The following KCND3 variants were observed in gnomAD, a reference collection of about 807,000 sequenced individuals.
KCND3 encodes the protein A-type voltage-gated potassium channel KCND3.
KCND3 carries 9 observed loss-of-function variants against 51.1 expected under a neutral mutation model. That is an observed-to-expected ratio of 0.18 (90% CI 0.11 to 0.31). The LOEUF (loss-of-function observed/expected upper bound fraction) is 0.31, where lower values mean the gene tolerates loss of function less well. Ranked by LOEUF, KCND3 falls within the 10% of genes least tolerant of loss-of-function variation. KCND3 has a pLI of 1.00. For synonymous variants in KCND3, 349 were observed against 368.0 expected (o/e 0.95, Z 0.59); for missense variants, 526 against 903.8 (o/e 0.58, Z 5.36).
Position 111,780,871 on chromosome 1 carries a change from G to T in KCND3, c.1270-80C>A. ...GCAAGGCTGGTGAAGCTGTGAGGCT[G>T]GCTTCCCAGGTGACACCTGATGAAG... On this transcript the variant is annotated intron_variant, in intron 3 of 7. Coordinates refer to ENST00000302127, the MANE Select transcript of KCND3 (RefSeq NM_001378969.1). This position sits in a 1 kb window ranked among gnomAD's most constrained non-coding sequence, Gnocchi z 4.2. 1 of 1,210,072 alleles carries T rather than the reference G, an allele frequency of 8.3e-7. No homozygotes were observed. The highest frequency in any genetic ancestry group is 1.2e-6 in the Non-Finnish European group (1 of 839,430). 75.0% of individuals were successfully genotyped at this position (1,210,072 alleles called of 1,614,324 possible).
chr1:111,818,719 C>T (rs1235832317), intron 2 of KCND3, among the ~76,000 whole-genome samples: 2 of 152,180 alleles, frequency 1.3e-5, no homozygotes, highest in Non-Finnish European at 2.9e-5. Context: ...ACCAAGGAGA[C>T]TCCTCACTTT....
chr1:111,887,211 T>C (rs1261068893), intron 2 of KCND3, among the ~76,000 whole-genome samples: 1 of 152,218 alleles, frequency 6.6e-6, no homozygotes, highest in Non-Finnish European at 1.5e-5. Context: ...CGGAGGCTTG[T>C]GGCAGCACTT....
At position 111,780,278 on chromosome 1, in the gene KCND3, A is replaced by G; in HGVS notation, c.1408T>C (p.Ser470Pro). The G allele has an allele frequency of 1.3e-6, 2 of 1,585,348 alleles. No homozygotes were observed. The highest frequency in any genetic ancestry group is 1.7e-6 in the Non-Finnish European group (2 of 1,164,756). The change falls in exon 5 of 8, where the codon TCA (serine) becomes CCA (proline). Residue 470 changes from serine (S) to proline (P), a missense_variant. Ser to Pro is a moderately conservative substitution (Grantham distance 74). Around this residue, in one of 5 missense-constraint regions of KCND3, gnomAD observed 266 missense variants for 305.5 expected, o/e 0.87. Transcript: ENST00000302127. The surrounding 1 kb of genome is among the most constrained non-coding windows in gnomAD (Gnocchi z 4.2). ...TGATGATGCTGGCTCTCGATGAGTG[A>G]GGTGGTCTTGCCCATGTGCTCCTCT... ...PEEEHMGKTT[S>P]LIESQHHHLL...
chr1:111,851,297 C>T (rs1237959491), intron 2 of KCND3, among the ~76,000 whole-genome samples: 1 of 152,174 alleles, frequency 6.6e-6, no homozygotes, highest in African/African-American at 2.4e-5. Flanking sequence ...GTCTAAGCAC[C>T]TTCATATCAT....
chr1:111,904,980 G>T (rs1222123053), intron 2 of KCND3, among the ~76,000 whole-genome samples: 2 of 152,186 alleles, frequency 1.3e-5, no homozygotes, highest in Admixed American at 6.5e-5. Context: ...AGTGATGGAG[G>T]GGGAGACAGC....
At chr1:111,863,632 A>G (rs1432898450) in intron 2 of KCND3, among the ~76,000 whole-genome samples, 4 of 152,352 alleles carry the variant, frequency 2.6e-5, no homozygotes, top group East Asian at 3.9e-4. Context: ...ATGAAGTAGG[A>G]GAGGCAGAGG....
At chr1:111,903,709 CAG>C (rs1205613603) in intron 2 of KCND3, among the ~76,000 whole-genome samples, 1 of 152,226 alleles carries the variant, frequency 6.6e-6, no homozygotes, top group African/African-American at 2.4e-5. Context: ...GGCCTGAGGC[CAG>C]AGTCAGGTGG....
intron 2 of KCND3, among the ~76,000 whole-genome samples, chr1:111,846,365 T>C (rs1557974223): frequency 6.6e-6 from 1 of 152,186 alleles, no homozygotes; most frequent in Non-Finnish European, 1.5e-5. Flanking sequence ...TTCCCTGATG[T>C]TACTTTCCCC....
chr1:111,816,408 G>C (rs1389070039), intron 2 of KCND3, among the ~76,000 whole-genome samples: 1 of 152,252 alleles, frequency 6.6e-6, no homozygotes, highest in Non-Finnish European at 1.5e-5. Flanking sequence ...GCGTGCATTC[G>C]CACGGAGCTT....
At chr1:111,970,633 G>T (rs139260810) in intron 2 of KCND3, among the ~76,000 whole-genome samples, 1 of 152,116 alleles carries the variant, frequency 6.6e-6, no homozygotes, top group Non-Finnish European at 1.5e-5. Context: ...TCTCTTACTG[G>T]ACTAAAGCTC....
At position 111,775,680 on chromosome 1, in the gene KCND3, A is replaced by G. The variant is rs923608810; in HGVS notation, c.*397T>C. 3 of 287,502 alleles carry G rather than the reference A, an allele frequency of 1.0e-5. No homozygotes were observed. The Admixed American group carries it at 1.3e-4, about 13-fold the overall frequency. 17.8% of individuals were successfully genotyped at this position (287,502 alleles called of 1,614,324 possible). ...TTTTCTTCCTGTTTTGCTTGTGACA[A>G]CTTGGCCTCTTTGCTGCTCTTGGTC... On this transcript the variant is annotated 3_prime_UTR_variant, in exon 8 of 8. Coordinates refer to ENST00000302127, the MANE Select transcript of KCND3 (RefSeq NM_001378969.1).
chr1:111,870,171 AG>A (rs1668768087), intron 2 of KCND3, among the ~76,000 whole-genome samples: 1 of 152,216 alleles, frequency 6.6e-6, no homozygotes, highest in African/African-American at 2.4e-5. Context: ...AGCACAGAGA[AG>A]ATAAGCAACT....
At chr1:111,882,640 G>C (rs1427038785) in intron 2 of KCND3, among the ~76,000 whole-genome samples, 1 of 152,188 alleles carries the variant, frequency 6.6e-6, no homozygotes, top group African/African-American at 2.4e-5. Flanking sequence ...TGCAGGGGGC[G>C]AGGGTGTGGG....
intron 2 of KCND3, among the ~76,000 whole-genome samples, chr1:111,972,624 C>T (rs573461755): frequency 2.6e-5 from 4 of 152,330 alleles, no homozygotes; most frequent in African/African-American, 9.6e-5. Context: ...TACCATGAAG[C>T]CAATCGTTCA....
At chr1:111,793,619 C>G (rs959953883) in intron 2 of KCND3, among the ~76,000 whole-genome samples, 1 of 152,180 alleles carries the variant, frequency 6.6e-6, no homozygotes, top group Non-Finnish European at 1.5e-5. Context: ...ACACAGTAAA[C>G]ACTCATTAAA....
intron 2 of KCND3, among the ~76,000 whole-genome samples, chr1:111,818,248 T>C (rs981108446): frequency 6.6e-6 from 1 of 152,204 alleles, no homozygotes; most frequent in Non-Finnish European, 1.5e-5. Context: ...GGACCAGGGC[T>C]GGGAGGACTG....
intron 2 of KCND3, among the ~76,000 whole-genome samples, chr1:111,832,278 T>C (rs750244504): frequency 3.3e-5 from 5 of 152,176 alleles, no homozygotes; most frequent in African/African-American, 1.2e-4. Context: ...CTAGACACAA[T>C]GGTGAAGAAC....
intron 2 of KCND3, among the ~76,000 whole-genome samples, chr1:111,943,800 T>C (rs979578286): frequency 2.0e-5 from 3 of 152,170 alleles, no homozygotes; most frequent in Admixed American, 6.5e-5. Context: ...ACAGGCATTA[T>C]TCACCCCATT....
At chr1:111,809,599 C>T (rs531778450) in intron 2 of KCND3, among the ~76,000 whole-genome samples, 13 of 152,294 alleles carry the variant, frequency 8.5e-5, no homozygotes, top group East Asian at 7.7e-4. Context: ...TGAGCCACCG[C>T]GCCCAGCCAG....
Sources: gnomAD v4.1 joint callset for allele counts (sites outside exome capture counted in the v4.1 genomes callset) on GRCh38, gnomAD v4.1.1 for gene constraint, gnomAD v4.1.1 regional missense constraint, Gnocchi (gnomAD v3.1) non-coding constraint, MANE v1.5 for transcripts, NCBI Gene and HGNC (gene_info 2026-07-23, HGNC 2026-07-21) for gene names.